SCFD2: variants seen among roughly 807,000 people sequenced by gnomAD.
SCFD2 encodes sec1 family domain containing 2, also known as sec1 family domain-containing protein 2.
In SCFD2, 54 loss-of-function variants were observed where a neutral mutation model predicts 58.9. That is an observed-to-expected ratio of 0.92 (90% confidence interval 0.74 to 1.15). SCFD2 has a LOEUF of 1.15. Among genes scored for constraint, SCFD2 ranks in the 50% most tolerant of loss-of-function variants. The pLI is 0.00. For synonymous variants in SCFD2, 321 were observed against 335.9 expected (o/e 0.96, Z 0.49); for missense variants, 805 against 836.6 (o/e 0.96, Z 0.47).
chr4:53,326,416 C>G (rs1326759025), intron 2 of SCFD2, among the ~76,000 whole-genome samples: 1 of 152,004 alleles, frequency 6.6e-6, no homozygotes, highest in Non-Finnish European at 1.5e-5. Flanking sequence ...GTGTTGGGAT[C>G]ACAGGCATGA....
At chr4:52,976,516 A>T (rs1421081655) in intron 5 of SCFD2, among the ~76,000 whole-genome samples, 1 of 152,166 alleles carries the variant, frequency 6.6e-6, no homozygotes, top group Non-Finnish European at 1.5e-5. Context: ...AATAGTAAAA[A>T]TTCTGGTGGA....
intron 5 of SCFD2, among the ~76,000 whole-genome samples, chr4:53,007,385 A>AGAAGGAAGGAAG (rs1423993421): frequency 1.3e-5 from 1 of 79,912 alleles, no homozygotes; most frequent in African/African-American, 4.7e-5. Flanking sequence ...AAGGAAGGAA[A>AGAAGGAAGGAAG]GAAGGAAGGA....
At chr4:53,266,681 C>T (rs1181936787) in intron 4 of SCFD2, among the ~76,000 whole-genome samples, 2 of 152,202 alleles carry the variant, frequency 1.3e-5, no homozygotes, top group South Asian at 2.1e-4. Flanking sequence ...ATCCACGATC[C>T]GTTTAAACAT....
intron 1 of SCFD2, among the ~76,000 whole-genome samples, chr4:53,364,106 C>T (rs1380244384): frequency 2.0e-5 from 3 of 152,154 alleles, no homozygotes; most frequent in Non-Finnish European, 4.4e-5. Flanking sequence ...ACAGTTATTA[C>T]TTATATATTT....
intron 4 of SCFD2, among the ~76,000 whole-genome samples, chr4:53,151,389 T>C (rs910766589): frequency 4.6e-5 from 7 of 152,204 alleles, no homozygotes; most frequent in Admixed American, 3.9e-4. Context: ...AAACCTTTTG[T>C]TTATCTGAAG....
intron 3 of SCFD2, among the ~76,000 whole-genome samples, chr4:53,312,351 A>C (rs1732717386): frequency 6.6e-6 from 1 of 152,218 alleles, no homozygotes; most frequent in Non-Finnish European, 1.5e-5. Flanking sequence ...TTTGAATTCC[A>C]GTCCTACCAC....
chr4:53,324,897 G>A (rs1458082365), intron 2 of SCFD2, among the ~76,000 whole-genome samples: 5 of 152,170 alleles, frequency 3.3e-5, no homozygotes, highest in Non-Finnish European at 5.9e-5. Context: ...AGAAAATATT[G>A]TTAATACAAA....
chr4:53,179,570 T>G (rs1178706972), intron 4 of SCFD2, among the ~76,000 whole-genome samples: 1 of 152,162 alleles, frequency 6.6e-6, no homozygotes, highest in Non-Finnish European at 1.5e-5. Context: ...AGACCATTGA[T>G]GCCATGAAGA....
At chr4:53,313,362 T>A (rs898010126) in intron 3 of SCFD2, among the ~76,000 whole-genome samples, 4 of 152,136 alleles carry the variant, frequency 2.6e-5, no homozygotes, top group African/African-American at 9.7e-5. Context: ...CCAGACCAAT[T>A]TTGACAGTTC....
intron 5 of SCFD2, among the ~76,000 whole-genome samples, chr4:53,034,190 T>C (rs1017503504): frequency 6.6e-6 from 1 of 152,058 alleles, no homozygotes; most frequent in African/African-American, 2.4e-5. Context: ...ATCCATCACA[T>C]AAACAGAACC....
chr4:53,127,522 ATAGG>A (rs978150761), intron 5 of SCFD2, among the ~76,000 whole-genome samples: 3 of 152,166 alleles, frequency 2.0e-5, no homozygotes, highest in Non-Finnish European at 4.4e-5. Context: ...TAACACACAA[ATAGG>A]TAATAAACTT....
At chr4:53,171,201 T>C (rs563396333) in intron 4 of SCFD2, among the ~76,000 whole-genome samples, 1 of 152,332 alleles carries the variant, frequency 6.6e-6, no homozygotes, top group South Asian at 2.1e-4. Flanking sequence ...TAGACCTAAT[T>C]TGTTGAGAGT....
In SCFD2 at chr4:53,335,000, C is replaced by T. The variant is rs115204276; in HGVS notation, c.1007+17598G>A. On this transcript the variant is annotated intron_variant, in intron 2 of 8. Transcript: ENST00000401642. ...TCACTTGAGGCCAGGAGTTCAAGAC[C>T]GGCCTAGCCAACATAGCAAAACCCC... Among the ~76,000 whole-genome samples the T allele has an allele frequency of 8.4e-3, 1,279 of 152,054 alleles. 12 individuals are homozygous for T. Among genetic ancestry groups the T allele is most frequent in the African/African-American group, 0.029 (1,211 of 41,500 alleles).
At chr4:53,245,138 C>T (rs1730026254) in intron 4 of SCFD2, among the ~76,000 whole-genome samples, 1 of 151,744 alleles carries the variant, frequency 6.6e-6, no homozygotes, top group Admixed American at 6.6e-5. Context: ...CAAAAAAAAG[C>T]CTGGGATCAG....
chr4:53,226,999 G>T (rs964028250), intron 4 of SCFD2, among the ~76,000 whole-genome samples: 3 of 152,188 alleles, frequency 2.0e-5, no homozygotes, highest in African/African-American at 7.2e-5. Flanking sequence ...ACTCCTTGCT[G>T]TTGAGGATGT....
At chr4:52,940,829 G>C (rs974781829) in intron 5 of SCFD2, among the ~76,000 whole-genome samples, 10 of 152,172 alleles carry the variant, frequency 6.6e-5, no homozygotes, top group African/African-American at 2.4e-4. Flanking sequence ...AGAAAGAGTA[G>C]ACACCACCCT....
At chr4:52,992,917 G>A (rs1044390370) in intron 5 of SCFD2, among the ~76,000 whole-genome samples, 8 of 152,120 alleles carry the variant, frequency 5.3e-5, no homozygotes, top group East Asian at 3.9e-4. Flanking sequence ...CATTGAGAAC[G>A]GGCCATGATG....
At chr4:53,209,567 CT>C (rs1728539255) in intron 4 of SCFD2, among the ~76,000 whole-genome samples, 2 of 152,214 alleles carry the variant, frequency 1.3e-5, no homozygotes, top group South Asian at 2.1e-4. Context: ...CTGCTTCATT[CT>C]TTCACGGATA....
chr4:53,174,034 T>C (rs879916330), intron 4 of SCFD2, among the ~76,000 whole-genome samples: 3 of 152,066 alleles, frequency 2.0e-5, no homozygotes, highest in Admixed American at 6.6e-5. Flanking sequence ...CTGATATTTT[T>C]AAAAAAGAAG....
Sources: allele counts gnomAD v4.1 joint callset (sites outside exome capture counted in the v4.1 genomes callset), GRCh38; gene constraint gnomAD v4.1.1; transcripts MANE v1.5; gene names NCBI Gene and HGNC (gene_info 2026-07-23, HGNC 2026-07-21).